ANKRD45: variants seen among roughly 807,000 people sequenced by gnomAD.
ANKRD45 encodes the protein ankyrin repeat domain 45.
A neutral mutation model predicts 28.1 loss-of-function variants in ANKRD45; 21 were observed. The ratio of observed to expected loss-of-function variants is 0.75; its 90% CI spans 0.53 to 1.08. ANKRD45 has a LOEUF of 1.08. ANKRD45 is among the 50% of genes least tolerant of loss of function. The pLI is 0.00. For synonymous variants in ANKRD45, 86 were observed against 103.9 expected (o/e 0.83, Z 1.05); for missense variants, 261 against 308.7 (o/e 0.85, Z 1.16).
At chr1:173,703,880 C>T in the ANKRD45 span, among the ~76,000 whole-genome samples, 3 of 152,266 alleles carry the variant, frequency 2.0e-5, no homozygotes, top group Non-Finnish European at 4.4e-5. Context: ...TCTGATGATG[C>T]TGACACTTTG....
chr1:173,663,005 T>A (rs1047006409), intron 1 of ANKRD45, among the ~76,000 whole-genome samples: 1 of 151,362 alleles, frequency 6.6e-6, no homozygotes, highest in Non-Finnish European at 1.5e-5. Flanking sequence ...AGAATTACAG[T>A]GGAAACTTAT....
At chr1:173,644,264 T>C (rs1668826596) in intron 3 of ANKRD45, among the ~76,000 whole-genome samples, 1 of 152,228 alleles carries the variant, frequency 6.6e-6, no homozygotes, top group South Asian at 2.1e-4. Context: ...AAATAGATGT[T>C]AAATTTTATG....
intron 5 of ANKRD45, among the ~76,000 whole-genome samples, chr1:173,613,597 A>G (rs1187829676): frequency 5.0e-5 from 4 of 79,840 alleles, no homozygotes; most frequent in Admixed American, 1.3e-4. Flanking sequence ...TCCGGGAGGG[A>G]GGTGGGGGGT....
intron 4 of ANKRD45, among the ~76,000 whole-genome samples, chr1:173,626,690 T>G (rs1232387468): frequency 6.6e-6 from 1 of 152,184 alleles, no homozygotes; most frequent in Non-Finnish European, 1.5e-5. Flanking sequence ...TAAATAGTTT[T>G]ACTCCCATAT....
chr1:173,679,353 A>G, the ANKRD45 span, among the ~76,000 whole-genome samples: 2 of 152,228 alleles, frequency 1.3e-5, no homozygotes, highest in Non-Finnish European at 2.9e-5. Context: ...ACAGATATAT[A>G]GACCAATGGA....
intron 1 of ANKRD45, among the ~76,000 whole-genome samples, chr1:173,667,430 G>A (rs1159252248): frequency 6.6e-6 from 1 of 152,152 alleles, no homozygotes; most frequent in African/African-American, 2.4e-5. Flanking sequence ...GTGGCCAGGA[G>A]CAGTGGCTCA....
upstream of ANKRD45, among the ~76,000 whole-genome samples, chr1:173,674,311 G>A (rs1211702987): frequency 6.6e-6 from 1 of 151,502 alleles, no homozygotes; most frequent in African/African-American, 2.4e-5. Context: ...ACTGCACTCG[G>A]CCCACCTTCA....
At chr1:173,711,987 A>G in the ANKRD45 span, among the ~76,000 whole-genome samples, 1 of 152,212 alleles carries the variant, frequency 6.6e-6, no homozygotes, top group Non-Finnish European at 1.5e-5. Context: ...TTTTAGTAAC[A>G]TTTTTATACC....
At chr1:173,675,076 T>G in the ANKRD45 span, among the ~76,000 whole-genome samples, 6 of 152,170 alleles carry the variant, frequency 3.9e-5, no homozygotes, top group African/African-American at 1.2e-4. Flanking sequence ...AGAACGATCC[T>G]GGAAAATCAA....
At chr1:173,684,262 T>C in the ANKRD45 span, among the ~76,000 whole-genome samples, 2 of 152,142 alleles carry the variant, frequency 1.3e-5, no homozygotes, top group African/African-American at 4.8e-5. Context: ...CATACTGACA[T>C]ATTAATTATT....
rs756434604 is a variant in ANKRD45, at chr1:173,610,109, A to G, written c.*36T>C. Reference sequence around the variant, plus strand: ...GCATGAATAGGTTTGCCTTTCAGATACTAAAAGAAAATGTGGCCTTTTACA... The same window carrying G: ...GCATGAATAGGTTTGCCTTTCAGATGCTAAAAGAAAATGTGGCCTTTTACA... On this transcript the variant is annotated 3_prime_UTR_variant, in exon 6 of 6. Coordinates refer to ENST00000333279, the MANE Select transcript of ANKRD45 (RefSeq NM_198493.3). 7.5e-6 allele frequency: 12 copies of G among 1,591,378 alleles called. No homozygotes were observed. The East Asian group carries it at 2.7e-4, about 36-fold the overall frequency.
chr1:173,654,782 G>A (rs977414145), intron 2 of ANKRD45, among the ~76,000 whole-genome samples: 3 of 152,080 alleles, frequency 2.0e-5, no homozygotes, highest in African/African-American at 7.2e-5. Flanking sequence ...ATTTCTTAGA[G>A]GCTTTGTTCA....
chr1:173,622,161 C>T (rs1667735046), intron 5 of ANKRD45, among the ~76,000 whole-genome samples: 1 of 152,052 alleles, frequency 6.6e-6, no homozygotes, highest in African/African-American at 2.4e-5. Flanking sequence ...TCAGAAAGGA[C>T]ACAAACAAAT....
At chr1:173,648,756 C>T (rs1669044026) in intron 2 of ANKRD45, among the ~76,000 whole-genome samples, 1 of 152,196 alleles carries the variant, frequency 6.6e-6, no homozygotes, top group African/African-American at 2.4e-5. Flanking sequence ...GTCAACCAGT[C>T]ACAATACTAC....
upstream of ANKRD45, among the ~76,000 whole-genome samples, chr1:173,673,754 TG>T (rs1360751038): frequency 6.6e-6 from 1 of 152,188 alleles, no homozygotes; most frequent in Non-Finnish European, 1.5e-5. Context: ...GACTGCTACT[TG>T]TTAGCTATAT....
chr1:173,701,172 G>C, the ANKRD45 span, among the ~76,000 whole-genome samples: 6 of 152,202 alleles, frequency 3.9e-5, no homozygotes, highest in Non-Finnish European at 4.4e-5. Context: ...GGAAACAACA[G>C]ATGCTGGAGA....
At chr1:173,707,339 C>CTT in the ANKRD45 span, among the ~76,000 whole-genome samples, 1 of 142,790 alleles carries the variant, frequency 7.0e-6, no homozygotes, top group South Asian at 2.2e-4. Flanking sequence ...AGTGTTTCTC[C>CTT]TTTTTTTTTT....
chr1:173,706,362 C>T, the ANKRD45 span, among the ~76,000 whole-genome samples: 3 of 149,560 alleles, frequency 2.0e-5, no homozygotes, highest in Non-Finnish European at 4.4e-5. Flanking sequence ...TTTTTGAGAC[C>T]AAGTCTCACT....
At chr1:173,612,604 C>T in intron 5 of ANKRD45, 1 of 152,756 alleles carries the variant, frequency 6.5e-6, no homozygotes, top group Non-Finnish European at 1.5e-5. Context: ...CACGGTCTCC[C>T]TCTCCCTCTC....
Sources: allele counts gnomAD v4.1 joint callset (sites outside exome capture counted in the v4.1 genomes callset), GRCh38; gene constraint gnomAD v4.1.1; transcripts MANE v1.5; gene names NCBI Gene and HGNC (gene_info 2026-07-23, HGNC 2026-07-21).